BATF: variants seen among roughly 807,000 people sequenced by gnomAD.
The protein encoded by BATF is basic leucine zipper ATF-like transcription factor, also known as basic leucine zipper transcriptional factor ATF-like.
In BATF, 5 loss-of-function variants were observed where a neutral mutation model predicts 13.7. That is an observed-to-expected ratio of 0.36 (90% confidence interval 0.19 to 0.77). BATF has a LOEUF of 0.77. BATF is among the 30% of genes least tolerant of loss of function. BATF has a pLI of 0.51. For synonymous variants in BATF, 72 were observed against 67.5 expected, an observed-to-expected ratio of 1.07 and a Z score of -0.33; for missense variants, 124 against 163.0, an observed-to-expected ratio of 0.76 and a Z score of 1.30.
intron 2 of BATF, among the ~76,000 whole-genome samples, chr14:75,536,204 T>C (rs1278322306): frequency 1.3e-5 from 2 of 152,010 alleles, no homozygotes; most frequent in African/African-American, 4.8e-5. Context: ...GTGGAAAGTG[T>C]CTAAGGGACG....
At position 75,545,919 on chromosome 14, in the gene BATF, C is replaced by T. The variant is rs1887977850; in HGVS notation, c.169-543C>T. Among the ~76,000 whole-genome samples, 4 of 152,120 alleles carry T rather than the reference C, an allele frequency of 2.6e-5. No individual in the cohort carries two copies. In the South Asian group the frequency reaches 8.3e-4, roughly 32 times the overall value. ...TGTTGCCCAGGCTGGAGTGCAGTGG[C>T]TCAATCTCGGCTCACTGCAACCTCT... is the stretch of plus-strand genomic sequence containing the variant. On this transcript the variant is annotated intron_variant, in intron 2 of 2. Coordinates refer to ENST00000286639, the MANE Select transcript of BATF (RefSeq NM_006399.5).
Position 75,527,949 on chromosome 14 carries a change from C to T in BATF, c.168+2761C>T, listed in dbSNP as rs145287739. Among the ~76,000 whole-genome samples, 680 of 152,332 alleles carry T rather than the reference C, an allele frequency of 4.5e-3. 1 individual carries two copies. The highest frequency in any genetic ancestry group is 9.7e-3 in the South Asian group (47 of 4,828). ...TTCAGGTAGAAGCTTTTGGCAGCAA[C>T]GTGTTCAATCTGCCCTACATCAAAT... is the stretch of plus-strand genomic sequence containing the variant. On this transcript the variant is annotated intron_variant, in intron 2 of 2. Transcript: ENST00000286639.
intron 1 of BATF, 115 bp downstream of exon 1, chr14:75,522,860 C>A: frequency 1.6e-6 from 2 of 1,269,402 alleles, no homozygotes; most frequent in South Asian, 1.2e-5. Flanking sequence ...GCTCGTTGCA[C>A]GGGCACTCTG....
chr14:75,531,097 T>C (rs1217780857), intron 2 of BATF, among the ~76,000 whole-genome samples: 1 of 152,220 alleles, frequency 6.6e-6, no homozygotes, highest in Non-Finnish European at 1.5e-5. Flanking sequence ...ACATCAAACA[T>C]TGAATAATCT....
At position 75,522,666 on chromosome 14, in the gene BATF, C is replaced by T. The variant is rs770273208; in HGVS notation, c.-17C>T. 2 of 1,614,002 alleles carry T rather than the reference C, an allele frequency of 1.2e-6. No individual in the cohort carries two copies. The highest frequency in any genetic ancestry group is 1.6e-4 in the Middle Eastern group (1 of 6,062). The stretch of plus-strand genomic sequence containing the variant: ...AGGTGCCTGGGGCTGAGTGTGAGAG[C>T]CCGGAAGATTTCAGCCATGCCTCAC... On this transcript the variant is annotated 5_prime_UTR_variant, in exon 1 of 3. Coordinates refer to ENST00000286639, the MANE Select transcript of BATF (RefSeq NM_006399.5).
At chr14:75,536,295 A>G (rs560096754) in intron 2 of BATF, among the ~76,000 whole-genome samples, 33 of 152,312 alleles carry the variant, frequency 2.2e-4, no homozygotes, top group Admixed American at 1.4e-3. Context: ...GAGACTGGAA[A>G]GATCTGGGGA....
rs545066928 is a variant in BATF, at chr14:75,536,067, G to C, written c.169-10395G>C. 2.0e-5 allele frequency among the ~76,000 whole-genome samples: 3 copies of C among 152,334 alleles called. No homozygotes were observed. The East Asian group carries it at 5.8e-4, about 29-fold the overall frequency. On this transcript the variant is annotated intron_variant, in intron 2 of 2. Transcript: ENST00000286639. ...CGTTCTAGGCACTGAGAATATTGCA[G>C]GGACAGGACAGACAGAGTCTCTGAT...
chr14:75,534,374 C>G (rs1204039786), intron 2 of BATF, among the ~76,000 whole-genome samples: 2 of 152,196 alleles, frequency 1.3e-5, no homozygotes, highest in Admixed American at 6.5e-5. Context: ...GGCAGGGTTT[C>G]TCAACCCCAG....
chr14:75,532,428 A>C (rs1887748240), intron 2 of BATF, among the ~76,000 whole-genome samples: 1 of 152,222 alleles, frequency 6.6e-6, no homozygotes, highest in Non-Finnish European at 1.5e-5. Flanking sequence ...CATATATATC[A>C]TGATATCAAC....
At chr14:75,527,834 C>T (rs1012102732) in intron 2 of BATF, among the ~76,000 whole-genome samples, 4 of 152,220 alleles carry the variant, frequency 2.6e-5, no homozygotes, top group African/African-American at 9.6e-5. Flanking sequence ...ACCACAGCAT[C>T]GTCTTTACCT....
At chr14:75,525,938 C>T (rs1887648135) in intron 2 of BATF, among the ~76,000 whole-genome samples, 1 of 152,154 alleles carries the variant, frequency 6.6e-6, no homozygotes, top group African/African-American at 2.4e-5. Context: ...CTTTTCAGAG[C>T]ATTATTAAAG....
chr14:75,533,093 C>T (rs1313727302), intron 2 of BATF, among the ~76,000 whole-genome samples: 1 of 152,016 alleles, frequency 6.6e-6, no homozygotes, highest in Non-Finnish European at 1.5e-5. Context: ...CTTGTCTTAC[C>T]GATGACGGGT....
In BATF at chr14:75,522,526, A is replaced by G. The variant is rs2140032320; in HGVS notation, c.-157A>G. 1 of 693,602 alleles carries G rather than the reference A, an allele frequency of 1.4e-6. No homozygotes were observed. The highest frequency in any genetic ancestry group is 2.7e-5 in the East Asian group (1 of 36,832). 43.0% of individuals were successfully genotyped at this position (693,602 alleles called of 1,614,324 possible). A position where few individuals can be genotyped will look rare whatever the true frequency, so the allele number is the denominator to read the frequency against. ...CCCTCTGCACCCCAGAGTGAGGAGG[A>G]CGCAGGGGTCAGAGGTGGCTACAGG... On this transcript the variant is annotated 5_prime_UTR_variant, in exon 1 of 3. Transcript: ENST00000286639.
intron 2 of BATF, among the ~76,000 whole-genome samples, chr14:75,543,234 T>C (rs1181475674): frequency 1.3e-5 from 2 of 152,212 alleles, no homozygotes; most frequent in African/African-American, 4.8e-5. Flanking sequence ...CGGCCACACC[T>C]TGCAGAAGGC....
chr14:75,524,977 C>A, intron 1 of BATF, 107 bp from the exon 2 acceptor site: 2 of 928,366 alleles, frequency 2.2e-6, no homozygotes, highest in South Asian at 3.1e-5. Flanking sequence ...CATGCAGAGA[C>A]GAAGGCATGG....
chr14:75,532,713 T>TA (rs150800854), intron 2 of BATF, among the ~76,000 whole-genome samples: 2,877 of 152,234 alleles, frequency 0.019, 87 homozygotes, highest in African/African-American at 0.061. Flanking sequence ...ATTCATACAA[T>TA]AAAAAAATTT....
chr14:75,537,533 T>C (rs1225382919), intron 2 of BATF, among the ~76,000 whole-genome samples: 1 of 152,170 alleles, frequency 6.6e-6, no homozygotes, highest in Non-Finnish European at 1.5e-5. Context: ...AAGACAATAA[T>C]AGCTCCTGCC....
chr14:75,531,801 C>G lies in BATF; in HGVS notation c.168+6613C>G, dbSNP rs551977636. ...TATTGTTCTTGGCCTTCTGAGGAGG[C>G]AGAGAAGGATGCTTACGGTCCTATT... is the stretch of plus-strand genomic sequence containing the variant. On this transcript the variant is annotated intron_variant, in intron 2 of 2. Transcript: ENST00000286639. 6.8e-4 allele frequency among the ~76,000 whole-genome samples: 104 copies of G among 152,212 alleles called. 2 individuals carry two copies. The South Asian group carries it at 0.021, about 31-fold the overall frequency.
intron 2 of BATF, among the ~76,000 whole-genome samples, chr14:75,531,777 A>G (rs1887737850): frequency 6.6e-6 from 1 of 152,166 alleles, no homozygotes; most frequent in Non-Finnish European, 1.5e-5. Context: ...GGGTAGCACT[A>G]TTGTTCTTGG....
Sources: gnomAD v4.1 joint callset for allele counts (sites outside exome capture counted in the v4.1 genomes callset) on GRCh38, gnomAD v4.1.1 for gene constraint, MANE v1.5 for transcripts, NCBI Gene and HGNC (gene_info 2026-07-23, HGNC 2026-07-21) for gene names.